Variants in SLC24A2 observed in about 807,000 individuals in gnomAD.
SLC24A2 encodes solute carrier family 24 member 2.
In SLC24A2, 36 loss-of-function variants were observed where a neutral mutation model predicts 62.0. The observed-to-expected ratio is 0.58, with a 90% confidence interval of 0.44 to 0.77. SLC24A2 has a LOEUF of 0.77. Among genes scored for constraint, SLC24A2 ranks in the 30% least tolerant of loss-of-function variants. The probability of loss-of-function intolerance (pLI) is 0.00; values close to 1 mark genes in which losing one functional copy is unlikely to be tolerated. For synonymous variants in SLC24A2, 358 were observed against 294.0 expected, an observed-to-expected ratio of 1.22 and a Z score of -2.23; for missense variants, 846 against 817.9, an observed-to-expected ratio of 1.03 and a Z score of -0.42.
At chr9:19,995,265 A>G in the SLC24A2 span, among the ~76,000 whole-genome samples, 2 of 152,310 alleles carry the variant, frequency 1.3e-5, no homozygotes, top group East Asian at 1.9e-4. Context: ...ATATTAATCA[A>G]TTCAACATTA....
chr9:20,199,162 A>C, the SLC24A2 span, among the ~76,000 whole-genome samples: 2 of 152,112 alleles, frequency 1.3e-5, no homozygotes, highest in Non-Finnish European at 2.9e-5. Flanking sequence ...TTCTCTCTCC[A>C]GTTAGGGATG....
At chr9:19,774,764 G>C (rs918325555) in intron 2 of SLC24A2, among the ~76,000 whole-genome samples, 3 of 152,138 alleles carry the variant, frequency 2.0e-5, no homozygotes, top group Admixed American at 2.0e-4. Context: ...CTGTAGATGG[G>C]TAAAGAAGCC....
chr9:19,820,375 T>C, the SLC24A2 span, among the ~76,000 whole-genome samples: 1 of 150,386 alleles, frequency 6.6e-6, no homozygotes, highest in African/African-American at 2.4e-5. Flanking sequence ...TCTCACAAAT[T>C]ACCACTAAAG....
chr9:19,782,293 T>C (rs1291947116), intron 2 of SLC24A2, among the ~76,000 whole-genome samples: 2 of 152,166 alleles, frequency 1.3e-5, no homozygotes, highest in Non-Finnish European at 2.9e-5. Flanking sequence ...GGATTCAAAC[T>C]TATTCCTAAC....
the SLC24A2 span, among the ~76,000 whole-genome samples, chr9:19,825,365 G>T: frequency 2.0e-5 from 3 of 152,136 alleles, no homozygotes; most frequent in African/African-American, 7.2e-5. Context: ...TGCCAGGTGG[G>T]CACTGACAAG....
rs1329039087 is a variant in SLC24A2 at position 19,515,575 on chromosome 9, T to C, written c.*578A>G. On this transcript the variant is annotated 3_prime_UTR_variant, in exon 11 of 11. Transcript: ENST00000341998. ...GTCTTGTTGGTTCCATTAGTTCACC[T>C]CTTGTACTTAAGAGGTAAAGCCCAG... is the stretch of plus-strand genomic sequence containing the variant. 1 of 152,286 alleles carries C rather than the reference T, an allele frequency of 6.6e-6. No individual in the cohort carries two copies. Among genetic ancestry groups the C allele is most frequent in the African/African-American group, 2.4e-5 (1 of 41,410 alleles). 9.4% of individuals were successfully genotyped at this position (152,286 alleles called of 1,614,324 possible).
At chr9:20,142,362 T>A in the SLC24A2 span, among the ~76,000 whole-genome samples, 1 of 152,164 alleles carries the variant, frequency 6.6e-6, no homozygotes, top group South Asian at 2.1e-4. Context: ...TTACGTATTT[T>A]TTATTTGCCT....
At chr9:19,528,256 G>A in intron 8 of SLC24A2, 118 bp from the exon 9 acceptor site, 1 of 741,366 alleles carries the variant, frequency 1.3e-6, no homozygotes, top group Admixed American at 2.0e-5. Flanking sequence ...CATCTTAGTA[G>A]GATTGGCAAT....
chr9:19,767,295 G>T (rs939505470), intron 2 of SLC24A2, among the ~76,000 whole-genome samples: 8 of 152,164 alleles, frequency 5.3e-5, no homozygotes, highest in Non-Finnish European at 1.2e-4. Flanking sequence ...CTTTTCAGGG[G>T]CATGAACGGT....
At chr9:20,076,880 T>TATATATATAC in the SLC24A2 span, among the ~76,000 whole-genome samples, 3 of 120,554 alleles carry the variant, frequency 2.5e-5, no homozygotes, top group East Asian at 6.4e-4. Flanking sequence ...TATATATATA[T>TATATATATAC]ACATATCATA....
At chr9:19,532,556 C>G (rs779677863) in intron 8 of SLC24A2, among the ~76,000 whole-genome samples, 4 of 152,112 alleles carry the variant, frequency 2.6e-5, no homozygotes, top group Non-Finnish European at 5.9e-5. Flanking sequence ...GAATGCAGAG[C>G]CTGCAGATAT....
the SLC24A2 span, among the ~76,000 whole-genome samples, chr9:20,289,070 A>G: frequency 6.6e-6 from 1 of 152,160 alleles, no homozygotes; most frequent in Admixed American, 6.5e-5. Context: ...CCCAGCTGAC[A>G]TTAAGTGATG....
the SLC24A2 span, among the ~76,000 whole-genome samples, chr9:19,820,382 A>G: frequency 8.6e-5 from 13 of 151,196 alleles, 2 homozygotes; most frequent in Admixed American, 4.0e-4. Context: ...AATTACCACT[A>G]AAGAACTTAC....
chr9:20,097,785 C>A, the SLC24A2 span, among the ~76,000 whole-genome samples: 1 of 117,766 alleles, frequency 8.5e-6, no homozygotes, highest in East Asian at 3.0e-4. Context: ...CTCTGTCACC[C>A]AGGCTGGAGT....
chr9:19,924,768 T>C, the SLC24A2 span, among the ~76,000 whole-genome samples: 1 of 152,166 alleles, frequency 6.6e-6, no homozygotes, highest in Admixed American at 6.5e-5. Context: ...CAAAGTGAAA[T>C]GACTTCTTCA....
At chr9:19,558,484 T>C (rs1487286218) in intron 7 of SLC24A2, among the ~76,000 whole-genome samples, 1 of 152,178 alleles carries the variant, frequency 6.6e-6, no homozygotes, top group Non-Finnish European at 1.5e-5. Flanking sequence ...GCTTGTGATT[T>C]TATGTGCACT....
intron 2 of SLC24A2, among the ~76,000 whole-genome samples, chr9:19,706,778 C>G (rs1258271053): frequency 2.0e-5 from 3 of 152,094 alleles, no homozygotes; most frequent in African/African-American, 7.2e-5. Context: ...AAATTTATAG[C>G]AATAAATGCC....
chr9:19,541,300 A>C (rs868551093), intron 8 of SLC24A2, among the ~76,000 whole-genome samples: 10,993 of 144,636 alleles, frequency 0.076, 1,269 homozygotes, highest in African/African-American at 0.26. Flanking sequence ...TAGAGTTTCC[A>C]GTTTTTCTGT....
chr9:19,647,983 T>G (rs977758511), intron 2 of SLC24A2, among the ~76,000 whole-genome samples: 1 of 152,120 alleles, frequency 6.6e-6, no homozygotes, highest in African/African-American at 2.4e-5. Context: ...GGAACATGTA[T>G]GGAAGGCAAG....
Sources: allele counts gnomAD v4.1 joint callset (sites outside exome capture counted in the v4.1 genomes callset), GRCh38; gene constraint gnomAD v4.1.1; transcripts MANE v1.5; gene names NCBI Gene and HGNC (gene_info 2026-07-23, HGNC 2026-07-21).